NXPE2: variants seen among roughly 807,000 people sequenced by gnomAD.
The protein encoded by NXPE2 is NXPE family member 2.
A neutral mutation model predicts 34.4 loss-of-function variants in NXPE2; 34 were observed. That is an observed-to-expected ratio of 0.99 (90% confidence interval 0.75 to 1.31). NXPE2 has a LOEUF of 1.31. Ranked by LOEUF, NXPE2 falls within the 40% of genes most tolerant of loss-of-function variation. The pLI, the probability that NXPE2 is intolerant of heterozygous loss-of-function variation, is 0.00. For synonymous variants in NXPE2, 235 were observed against 231.3 expected, an observed-to-expected ratio of 1.02 and a Z score of -0.15; for missense variants, 649 against 672.5, an observed-to-expected ratio of 0.97 and a Z score of 0.39.
chr11:114,626,541 C>G, the NXPE2 span, among the ~76,000 whole-genome samples: 9 of 152,082 alleles, frequency 5.9e-5, no homozygotes, highest in Non-Finnish European at 2.9e-5. Flanking sequence ...TCATCAAAGA[C>G]CAAAGGTAGA....
intron 2 of NXPE2, among the ~76,000 whole-genome samples, chr11:114,685,629 G>A (rs765814978): frequency 2.4e-4 from 36 of 151,954 alleles, no homozygotes; most frequent in Non-Finnish European, 3.7e-4. Context: ...TTAGTCTATG[G>A]CAATTCTAGT....
the NXPE2 span, among the ~76,000 whole-genome samples, chr11:114,577,100 GTT>G: frequency 8.1e-6 from 1 of 123,100 alleles, no homozygotes; most frequent in African/African-American, 3.1e-5. Context: ...TATATATAAA[GTT>G]ATATATATAC....
the NXPE2 span, chr11:114,530,687 G>T: frequency 6.2e-7 from 1 of 1,614,178 alleles, no homozygotes; most frequent in South Asian, 1.1e-5. Flanking sequence ...TATCTCGAGG[G>T]TTGAGGATGG....
chr11:114,777,686 C>T, the NXPE2 span, among the ~76,000 whole-genome samples: 2 of 152,294 alleles, frequency 1.3e-5, no homozygotes, highest in South Asian at 2.1e-4. Flanking sequence ...TCTTCAACAA[C>T]TGTGTATTGT....
the NXPE2 span, chr11:114,594,586 G>T: frequency 2.2e-6 from 2 of 900,902 alleles, no homozygotes; most frequent in Non-Finnish European, 3.6e-6. Flanking sequence ...AAGTCTTGTA[G>T]TTTAGCCTTT....
chr11:114,534,550 G>A, the NXPE2 span, among the ~76,000 whole-genome samples: 1 of 152,306 alleles, frequency 6.6e-6, no homozygotes, highest in Admixed American at 6.5e-5. Context: ...AAAATTAGAT[G>A]AATGGATAAC....
upstream of NXPE2, among the ~76,000 whole-genome samples, chr11:114,677,830 A>C (rs886951368): frequency 6.6e-6 from 1 of 152,120 alleles, no homozygotes; most frequent in Non-Finnish European, 1.5e-5. Flanking sequence ...AGAGCAATGC[A>C]TACTGAGTGT....
the NXPE2 span, among the ~76,000 whole-genome samples, chr11:114,622,571 A>C: frequency 6.6e-6 from 1 of 152,070 alleles, no homozygotes; most frequent in Non-Finnish European, 1.5e-5. Flanking sequence ...GTGGGTAACC[A>C]CTGCTACCCG....
the NXPE2 span, among the ~76,000 whole-genome samples, chr11:114,586,596 G>A: frequency 6.6e-6 from 1 of 152,088 alleles, no homozygotes; most frequent in Non-Finnish European, 1.5e-5. Flanking sequence ...GTTTCTAATT[G>A]GTTTCCTTTT....
Position 114,679,672 on chromosome 11 carries a change from TC to T in NXPE2, c.44del (p.Pro15GlnfsTer4). The T allele has an allele frequency of 6.5e-7, 1 of 1,548,338 alleles. No individual in the cohort carries two copies. On this transcript the variant is annotated frameshift_variant, in exon 2 of 6. Transcript: ENST00000389586. LOFTEE classifies it high-confidence loss of function. ...TTTCTTATAGGATACTCACTTTGTT[TC>T]CAAATGCCATAGCTCGAAAATTACT... The part of the protein sequence containing the change: ...ILIHRILTLF[P>X]NAIARKLLLM...
At chr11:114,534,900 G>A in the NXPE2 span, among the ~76,000 whole-genome samples, 1 of 152,192 alleles carries the variant, frequency 6.6e-6, no homozygotes, top group Non-Finnish European at 1.5e-5. Context: ...AGCAAGGCAG[G>A]CCAACATTCA....
At chr11:114,598,172 G>A in the NXPE2 span, among the ~76,000 whole-genome samples, 2 of 151,738 alleles carry the variant, frequency 1.3e-5, no homozygotes, top group African/African-American at 4.8e-5. Flanking sequence ...ACTCAGAAGA[G>A]CAGTCACTAA....
downstream of NXPE2, among the ~76,000 whole-genome samples, chr11:114,711,081 G>A (rs1412203729): frequency 6.6e-6 from 1 of 151,994 alleles, no homozygotes; most frequent in Non-Finnish European, 1.5e-5. Flanking sequence ...TATGAATAGA[G>A]GGAAACTATC....
At chr11:114,580,411 A>G in the NXPE2 span, 1 of 1,247,694 alleles carries the variant, frequency 8.0e-7, no homozygotes, top group Non-Finnish European at 1.2e-6. Flanking sequence ...AGAGCCTTCT[A>G]TCCTCTAAGT....
chr11:114,747,761 A>C, the NXPE2 span, among the ~76,000 whole-genome samples: 2 of 152,200 alleles, frequency 1.3e-5, no homozygotes, highest in Admixed American at 6.5e-5. Context: ...ACAATTTGAG[A>C]TGAGAGTTGG....
chr11:114,630,076 C>G, the NXPE2 span, among the ~76,000 whole-genome samples: 2 of 151,622 alleles, frequency 1.3e-5, no homozygotes, highest in South Asian at 2.1e-4. Context: ...GAATCAATAT[C>G]GTGAAAATGG....
At chr11:114,542,312 C>T in the NXPE2 span, among the ~76,000 whole-genome samples, 19 of 152,226 alleles carry the variant, frequency 1.2e-4, no homozygotes, top group African/African-American at 4.3e-4. Flanking sequence ...ATAAGAGTCA[C>T]AGGCAAGTTC....
upstream of NXPE2, among the ~76,000 whole-genome samples, chr11:114,677,447 A>G (rs1388501366): frequency 2.6e-5 from 4 of 152,084 alleles, no homozygotes. Context: ...ACAATTCTGG[A>G]CACTATTATA....
chr11:114,747,314 C>T, the NXPE2 span, among the ~76,000 whole-genome samples: 1 of 151,754 alleles, frequency 6.6e-6, no homozygotes, highest in African/African-American at 2.4e-5. Flanking sequence ...CTATAGCAAC[C>T]CGGAATACAT....
Sources: allele counts gnomAD v4.1 joint callset (sites outside exome capture counted in the v4.1 genomes callset), GRCh38; gene constraint gnomAD v4.1.1; transcripts MANE v1.5; gene names NCBI Gene and HGNC (gene_info 2026-07-23, HGNC 2026-07-21).